AZI2: variants seen among roughly 807,000 people sequenced by gnomAD.
The protein encoded by AZI2 is 5-azacytidine-induced protein 2.
Under a neutral mutation model 45.8 loss-of-function variants are expected in AZI2, and 22 were observed. The ratio of observed to expected loss-of-function variants is 0.48; its 90% confidence interval spans 0.34 to 0.69. The LOEUF (loss-of-function observed/expected upper bound fraction) is 0.69, where lower values mean the gene tolerates loss of function less well. AZI2 is among the 30% of genes least tolerant of loss of function. The probability of loss-of-function intolerance (pLI) is 0.01; values close to 1 mark genes in which losing one functional copy is unlikely to be tolerated. For missense variants in AZI2, 417 were observed against 441.5 expected (o/e 0.94, Z 0.50); for synonymous variants, 137 against 156.7 (o/e 0.87, Z 0.94).
rs756127885 is a variant in AZI2, at chr3:28,340,612, A to G, written c.6T>C (p.Asp2=). 1 of 1,603,830 alleles carries G rather than the reference A, an allele frequency of 6.2e-7. No individual in the cohort carries two copies. The highest frequency in any genetic ancestry group is 1.1e-5 in the South Asian group (1 of 88,152). Residue 2 remains aspartate (D), a synonymous_variant, in exon 2 of 8, where the codon GAT becomes GAC. Coordinates refer to ENST00000479665, the MANE Select transcript of AZI2 (RefSeq NM_022461.5). M[D]ALVEDDICIL... is the part of the protein sequence containing the mutation. ...TACAGATATCATCTTCTACCAGTGC[A>G]TCCATGACAACTGTTTAAAAGAAAA...
intron 5 of AZI2, among the ~76,000 whole-genome samples, chr3:28,335,777 T>C (rs1162972244): frequency 2.0e-5 from 3 of 151,824 alleles, no homozygotes; most frequent in Non-Finnish European, 2.9e-5. Context: ...TGGGATGGAG[T>C]TCCCCTTTCA....
At chr3:28,347,098 TAC>T (rs1704271216) in intron 1 of AZI2, among the ~76,000 whole-genome samples, 1 of 152,178 alleles carries the variant, frequency 6.6e-6, no homozygotes, top group South Asian at 2.1e-4. Context: ...GCATCTACTA[TAC>T]ATTCAATGTT....
chr3:28,332,294 G>T (rs1022133558), intron 6 of AZI2, 75 bp downstream of exon 6: 86 of 1,322,714 alleles, frequency 6.5e-5, no homozygotes, highest in Non-Finnish European at 8.7e-5. Flanking sequence ...AGTCATAAAA[G>T]AAATCTAAGG....
At position 28,329,783 on chromosome 3, in the gene AZI2, A is replaced by G. The variant is rs548990435; in HGVS notation, c.647+2586T>C. ...TTGACAACTGCGGTTCCCCCCAAAC[A>G]AGTGGCTCTCATTTTTTATTGCAAG... On this transcript the variant is annotated intron_variant, in intron 6 of 7. Coordinates refer to ENST00000479665, the MANE Select transcript of AZI2 (RefSeq NM_022461.5). Among the ~76,000 whole-genome samples the G allele has an allele frequency of 3.3e-4, 50 of 151,318 alleles. No individual in the cohort carries two copies. The East Asian group carries it at 9.6e-3, about 29-fold the overall frequency.
rs1703281201 is a variant in AZI2 at position 28,323,992 on chromosome 3, CACTGAA to C, written c.*44_*49del. 1 of 1,512,130 alleles carries C rather than the reference CACTGAA, an allele frequency of 6.6e-7. No homozygotes were observed. Among genetic ancestry groups the C allele is most frequent in the Admixed American group, 2.1e-5 (1 of 48,678 alleles). 93.7% of individuals were successfully genotyped at this position (1,512,130 alleles called of 1,614,324 possible). ...TTGTTAAATAATTTCTTGGGAGGAC[CACTGAA>C]AGAGATAAGTGTCCTCATGGTGAAA... On this transcript the variant is annotated 3_prime_UTR_variant, in exon 8 of 8. Coordinates refer to ENST00000479665, the MANE Select transcript of AZI2 (RefSeq NM_022461.5).
chr3:28,331,617 A>T (rs1390901292), intron 6 of AZI2: 2 of 1,133,502 alleles, frequency 1.8e-6, no homozygotes, highest in Non-Finnish European at 2.2e-6. Context: ...TTTTGATAGA[A>T]ATTGGCCTGA....
chr3:28,321,808 T>A lies in AZI2; in HGVS notation c.*2234A>T, dbSNP rs963535699. 1 of 151,380 alleles carries A rather than the reference T, an allele frequency of 6.6e-6. No homozygotes were observed. Among genetic ancestry groups the A allele is most frequent in the Middle Eastern group, 3.2e-3 (1 of 316 alleles). 9.4% of individuals were successfully genotyped at this position (151,380 alleles called of 1,614,324 possible). A position where few individuals can be genotyped will look rare whatever the true frequency, so the allele number is the denominator to read the frequency against. ...GCAGCAACTCAGTAAGTCTTACAGATGTAAATTTTACTTTAGCTAATAAGG... is the reference window on the plus strand; with the variant it reads ...GCAGCAACTCAGTAAGTCTTACAGAAGTAAATTTTACTTTAGCTAATAAGG... On this transcript the variant is annotated 3_prime_UTR_variant, in exon 8 of 8. Transcript: ENST00000479665.
chr3:28,340,515 C>A lies in AZI2; in HGVS notation c.103G>T (p.Val35Phe). ...GTGACAAGAGCAAAATGGGAAGCAA[C>A]AGATTCATCTCCTGAATATATTGAA... ...PVSIYSGDES[V>F]ASHFALVTAY... The change falls in exon 2 of 8, where the codon GTT (valine) becomes TTT (phenylalanine). Residue 35 changes from valine to phenylalanine, a missense_variant. Val to Phe is a conservative substitution (Grantham distance 50). Transcript: ENST00000479665. 1.9e-6 allele frequency: 3 copies of A among 1,612,844 alleles called. No homozygotes were observed. Among genetic ancestry groups the A allele is most frequent in the East Asian group, 2.2e-5 (1 of 44,752 alleles).
At chr3:28,337,053 T>C in intron 4 of AZI2, 168 bp from the exon 5 acceptor site, 2 of 627,034 alleles carry the variant, frequency 3.2e-6, no homozygotes, top group African/African-American at 1.9e-5. Flanking sequence ...CAAATATCTA[T>C]GCTAAGGAGA....
rs1203444200 is a variant in AZI2 at position 28,321,307 on chromosome 3, A to G, written c.*2735T>C. 1.3e-5 allele frequency: 2 copies of G among 151,446 alleles called. No homozygotes were observed. The highest frequency in any genetic ancestry group is 4.8e-5 in the African/African-American group (2 of 41,356). 9.4% of individuals were successfully genotyped at this position (151,446 alleles called of 1,614,324 possible). ...TAAATGAAAATGGAAGAGTTACTTT[A>G]AGAAGCTAGTGAAATATACAATCTA... is the stretch of plus-strand genomic sequence containing the variant. On this transcript the variant is annotated 3_prime_UTR_variant, in exon 8 of 8. Coordinates refer to ENST00000479665, the MANE Select transcript of AZI2 (RefSeq NM_022461.5).
chr3:28,327,181 TAATAAA>T (rs1423971000), intron 6 of AZI2, among the ~76,000 whole-genome samples: 1 of 151,148 alleles, frequency 6.6e-6, no homozygotes, highest in East Asian at 1.9e-4. Context: ...TTAAACGGTA[TAATAAA>T]AATAAAATTA....
intron 5 of AZI2, among the ~76,000 whole-genome samples, chr3:28,333,746 AATGGATCTGTT>A (rs1489471973): frequency 6.6e-6 from 1 of 151,614 alleles, no homozygotes; most frequent in African/African-American, 2.4e-5. Context: ...TAAAGGTGGT[AATGGATCTGTT>A]CCCTAACTAG....
At chr3:28,327,169 T>C (rs545833474) in intron 6 of AZI2, among the ~76,000 whole-genome samples, 148 of 151,136 alleles carry the variant, frequency 9.8e-4, no homozygotes, top group South Asian at 1.7e-3. Flanking sequence ...TTAACTATTA[T>C]ATTAAACGGT....
chr3:28,331,257 A>G (rs913529215), intron 6 of AZI2, among the ~76,000 whole-genome samples: 1 of 151,424 alleles, frequency 6.6e-6, no homozygotes, highest in Non-Finnish European at 1.5e-5. Context: ...GAAGTGGCTT[A>G]TAAAAAGGAC....
chr3:28,343,579 G>C (rs1704114462), intron 1 of AZI2, among the ~76,000 whole-genome samples: 1 of 151,594 alleles, frequency 6.6e-6, no homozygotes, highest in Non-Finnish European at 1.5e-5. Flanking sequence ...TTAGCATTAT[G>C]CTAAATGTTT....
At chr3:28,334,008 G>T (rs910192543) in intron 5 of AZI2, among the ~76,000 whole-genome samples, 1 of 151,074 alleles carries the variant, frequency 6.6e-6, no homozygotes, top group Non-Finnish European at 1.5e-5. Context: ...TTTCTCACAG[G>T]ATCAATGGTT....
rs540171210 is a variant in AZI2 at position 28,346,417 on chromosome 3, G to A, written c.-6+2184C>T. ...AGAAGGGAATTCACATTTATGCCAG[G>A]AACTGCATAAAAGGTATGGTACACA... On this transcript the variant is annotated intron_variant, in intron 1 of 7. Coordinates refer to ENST00000479665, the MANE Select transcript of AZI2 (RefSeq NM_022461.5). Among the ~76,000 whole-genome samples, 25 of 152,130 alleles carry A rather than the reference G, an allele frequency of 1.6e-4. No homozygotes were observed. In the South Asian group the frequency reaches 5.2e-3, roughly 32 times the overall value.
rs1221679492 is a variant in AZI2, at chr3:28,322,477, T to C, written c.*1565A>G. ...CAAAGGAAAATTTCCAATTTTGGTT[T>C]TAAAAAAGGCAAACCAGTAAGCTAC... On this transcript the variant is annotated 3_prime_UTR_variant, in exon 8 of 8. Coordinates refer to ENST00000479665, the MANE Select transcript of AZI2 (RefSeq NM_022461.5). 3 of 151,690 alleles carry C rather than the reference T, an allele frequency of 2.0e-5. No homozygotes were observed. The highest frequency in any genetic ancestry group is 4.4e-5 in the Non-Finnish European group (3 of 67,440). 9.4% of individuals were successfully genotyped at this position (151,690 alleles called of 1,614,324 possible).
chr3:28,337,360 C>G (rs564953708), intron 4 of AZI2, among the ~76,000 whole-genome samples: 42 of 151,788 alleles, frequency 2.8e-4, no homozygotes, highest in Non-Finnish European at 5.3e-4. Flanking sequence ...GTCTCTCTAG[C>G]TACAAAAAGC....
Sources: allele counts gnomAD v4.1 joint callset (sites outside exome capture counted in the v4.1 genomes callset), GRCh38; gene constraint gnomAD v4.1.1; transcripts MANE v1.5; gene names NCBI Gene and HGNC (gene_info 2026-07-23, HGNC 2026-07-21).